Variants in POLR1C observed in about 807,000 individuals in gnomAD.
POLR1C encodes RNA polymerase I and III subunit C, also known as DNA-directed RNA polymerases I and III subunit RPAC1.
A neutral mutation model predicts 38.3 loss-of-function variants in POLR1C; 42 were observed. That is an observed-to-expected ratio of 1.10 (90% confidence interval 0.86 to 1.42). The LOEUF (loss-of-function observed/expected upper bound fraction) is 1.42. POLR1C is among the 40% of genes most tolerant of loss of function. The pLI is 0.00. For synonymous variants in POLR1C, 163 were observed against 163.9 expected (o/e 0.99, Z 0.04); for missense variants, 507 against 450.5 (o/e 1.13, Z -1.14).
In POLR1C at chr6:43,519,934, T is replaced by C. The variant is rs1582181393; in HGVS notation, c.382+96T>C. On this transcript the variant is annotated intron_variant, in intron 4 of 8. Coordinates refer to ENST00000642195, the MANE Select transcript of POLR1C (RefSeq NM_203290.4). ...AGTTACTTATCTTTGTACATCAGTG[T>C]CTTTCATCTGTGAGAACACTTGCCT... 1.9e-6 allele frequency: 3 copies of C among 1,541,054 alleles called. No individual in the cohort carries two copies. In the East Asian group the frequency reaches 7.1e-5, roughly 37 times the overall value.
chr6:43,521,274 G>A lies in POLR1C; in HGVS notation c.1015G>A (p.Glu339Lys). The A allele has an allele frequency of 6.2e-7, 1 of 1,612,594 alleles. No individual in the cohort carries two copies. The highest frequency in any genetic ancestry group is 8.5e-7 in the Non-Finnish European group (1 of 1,179,992). The part of the protein sequence containing the change: ...LMGKCRRFLD[E>K]LDAVQMD Reference sequence around the variant, plus strand: ...GGGGAAGTGCCGGCGCTTCTTGGATGAACTAGATGCGGTTCAGATGGACTG... The same window carrying A: ...GGGGAAGTGCCGGCGCTTCTTGGATAAACTAGATGCGGTTCAGATGGACTG... The change falls in exon 9 of 9, where the codon GAA (glutamate) becomes AAA (lysine). Residue 339 changes from glutamate (E) to lysine (K), a missense_variant. By Grantham distance (56) the Glu-to-Lys change is moderately conservative. Coordinates refer to ENST00000642195, the MANE Select transcript of POLR1C (RefSeq NM_203290.4).
At chr6:43,526,870 G>T in intron 8 of POLR1C, 1 of 933,388 alleles carries the variant, frequency 1.1e-6, no homozygotes, top group South Asian at 1.4e-5. Flanking sequence ...TGGGGGTACC[G>T]TCCAAGGCAC....
chr6:43,527,414 G>A, intron 8 of POLR1C: 1 of 429,060 alleles, frequency 2.3e-6, no homozygotes, highest in Non-Finnish European at 4.3e-6. Context: ...TGGGACTACA[G>A]GCCTGCGCGC....
intron 7 of POLR1C, 37 bp downstream of exon 7, chr6:43,520,811 A>AATT: frequency 2.5e-6 from 4 of 1,612,432 alleles, no homozygotes; most frequent in Non-Finnish European, 3.4e-6. Context: ...TTAGGACCTA[A>AATT]ATTATATTTT....
downstream of POLR1C, chr6:43,525,327 A>ATGGGTT: frequency 9.6e-7 from 1 of 1,043,740 alleles, no homozygotes; most frequent in Admixed American, 2.5e-5. Flanking sequence ...CCCTCTAAAG[A>ATGGGTT]TGGGTTTGTT....
At chr6:43,561,077 A>AT in intron 10 of POLR1C, 1 of 1,227,100 alleles carries the variant, frequency 8.1e-7, no homozygotes, top group Non-Finnish European at 1.2e-6. Context: ...CAGGGAAGTA[A>AT]TAAAAACAGA....
At chr6:43,555,802 A>G (rs373751605) in intron 10 of POLR1C, 7 of 1,613,090 alleles carry the variant, frequency 4.3e-6, no homozygotes, top group African/African-American at 4.0e-5. Flanking sequence ...CTGTCCTAAC[A>G]TTTCACTAAC....
At chr6:43,522,247 T>C (rs1793232647), downstream of POLR1C, 1 of 152,482 alleles carries the variant, frequency 6.6e-6, no homozygotes, top group South Asian at 2.1e-4. Context: ...GTCACATTTC[T>C]TCCTGTTTTA....
At chr6:43,519,535 C>G in intron 3 of POLR1C, 95 bp downstream of exon 3, 1 of 1,380,392 alleles carries the variant, frequency 7.2e-7, no homozygotes, top group South Asian at 1.2e-5. Flanking sequence ...TCCTTCCCTC[C>G]TTAATTTTCC....
At chr6:43,560,294 A>G in intron 10 of POLR1C, 1 of 1,609,520 alleles carries the variant, frequency 6.2e-7, no homozygotes, top group Non-Finnish European at 8.5e-7. Flanking sequence ...TGAGTTGAAG[A>G]GCGTAGAAAC....
chr6:43,547,978 G>A (rs1412982260), intron 9 of POLR1C, among the ~76,000 whole-genome samples: 2 of 152,186 alleles, frequency 1.3e-5, no homozygotes, highest in Admixed American at 6.5e-5. Context: ...GCACAGATAA[G>A]TGTCTGTGTG....
intron 9 of POLR1C, chr6:43,550,070 A>G (rs972945451): frequency 1.2e-6 from 1 of 865,438 alleles, no homozygotes; most frequent in African/African-American, 1.7e-5. Context: ...AGCTGGGACT[A>G]CGGGCATGAG....
rs775500325 is a variant in POLR1C, at chr6:43,547,405, T to C, written c.*5-3563T>C. 8 of 658,552 alleles carry C rather than the reference T, an allele frequency of 1.2e-5. 1 individual carries two copies. The highest frequency in any genetic ancestry group is 5.8e-5 in the East Asian group (2 of 34,214). 40.8% of individuals were successfully genotyped at this position (658,552 alleles called of 1,614,324 possible). A position where few individuals can be genotyped will look rare whatever the true frequency, so the allele number is the denominator to read the frequency against. Reference sequence around the variant, plus strand: ...CCTTAAAGCCAAAATAATGACTTCATAGAAAAGACCATCTGCTCTGCTGTG... The same window carrying C: ...CCTTAAAGCCAAAATAATGACTTCACAGAAAAGACCATCTGCTCTGCTGTG... On this transcript the variant is annotated intron_variant, in intron 9 of 10. Coordinates refer to the POLR1C transcript ENST00000607635.
At chr6:43,543,688 T>C (rs1794819774) in intron 9 of POLR1C, among the ~76,000 whole-genome samples, 1 of 152,068 alleles carries the variant, frequency 6.6e-6, no homozygotes, top group Admixed American at 6.6e-5. Context: ...TTTTTTCTTT[T>C]TTGAGACGGA....
chr6:43,549,941 G>A (rs189287613), intron 9 of POLR1C: 1 of 1,611,920 alleles, frequency 6.2e-7, no homozygotes, highest in South Asian at 1.1e-5. Flanking sequence ...ATAGCTAAGG[G>A]AGAGGAGGAA....
At chr6:43,530,764 G>A, downstream of POLR1C, 2 of 1,613,954 alleles carry the variant, frequency 1.2e-6, no homozygotes, top group Non-Finnish European at 1.7e-6. Context: ...GGGTAGCAAG[G>A]TCCTCCACAG....
intron 9 of POLR1C, among the ~76,000 whole-genome samples, chr6:43,543,500 G>C (rs935352585): frequency 6.6e-6 from 1 of 151,978 alleles, no homozygotes; most frequent in Non-Finnish European, 1.5e-5. Flanking sequence ...AATCAGAATA[G>C]TAGTTATCTT....
intron 9 of POLR1C, chr6:43,539,492 T>C: frequency 1.3e-6 from 2 of 1,571,024 alleles, no homozygotes; most frequent in Admixed American, 3.4e-5. Flanking sequence ...CTTCATGTCC[T>C]TGACCAAGCG....
At chr6:43,529,222 C>T (rs1441510810) in intron 8 of POLR1C, 12 of 1,408,074 alleles carry the variant, frequency 8.5e-6, no homozygotes, top group South Asian at 1.1e-5. Context: ...AACAAACTCT[C>T]CTTCACCATT....
Sources: allele counts gnomAD v4.1 joint callset (sites outside exome capture counted in the v4.1 genomes callset), GRCh38; gene constraint gnomAD v4.1.1; transcripts MANE v1.5; gene names NCBI Gene and HGNC (gene_info 2026-07-23, HGNC 2026-07-21).